The following EIF4E3 variants were observed in gnomAD, a reference collection of about 807,000 sequenced individuals.
The protein encoded by EIF4E3 is eukaryotic translation initiation factor 4E family member 3.
EIF4E3 carries 26 observed loss-of-function variants against 31.7 expected under a neutral mutation model. That is an observed-to-expected ratio of 0.82 (90% CI 0.60 to 1.14). EIF4E3 has a LOEUF of 1.14. Among genes scored for constraint, EIF4E3 ranks in the 50% most tolerant of loss-of-function variants. The pLI is 0.00. For missense variants in EIF4E3, 304 were observed against 270.9 expected (o/e 1.12, Z -0.86); for synonymous variants, 128 against 107.7 (o/e 1.19, Z -1.17).
At chr3:71,709,237 T>C (rs957520621) in intron 2 of EIF4E3, among the ~76,000 whole-genome samples, 1 of 152,122 alleles carries the variant, frequency 6.6e-6, no homozygotes, top group Non-Finnish European at 1.5e-5. Context: ...TTCTAGAAAA[T>C]TTATGGACAT....
intron 1 of EIF4E3, among the ~76,000 whole-genome samples, chr3:71,717,224 C>T (rs550723497): frequency 6.6e-6 from 1 of 152,172 alleles, no homozygotes; most frequent in African/African-American, 2.4e-5. Context: ...CCTCATGAGA[C>T]CTGCTAAATC....
intron 6 of EIF4E3, 69 bp downstream of exon 6, chr3:71,689,939 CAA>C: frequency 7.4e-7 from 1 of 1,350,474 alleles, no homozygotes; most frequent in Non-Finnish European, 9.7e-7. Context: ...ACCACATTTG[CAA>C]AACAGTTTCT....
intron 1 of EIF4E3, among the ~76,000 whole-genome samples, chr3:71,712,644 G>GGGGGGGGGGGGGGGGGGGGGGGGGGGGC (rs35405190): frequency 8.1e-6 from 1 of 123,988 alleles, no homozygotes; most frequent in Non-Finnish European, 1.6e-5. Context: ...GTGGGCGGGG[G>GGGGGGGGGGGGGGGGGGGGGGGGGGGGC]AGATTCTAGG....
intron 5 of EIF4E3, among the ~76,000 whole-genome samples, chr3:71,690,965 G>C (rs2049055851): frequency 6.6e-6 from 1 of 152,168 alleles, no homozygotes; most frequent in Non-Finnish European, 1.5e-5. Context: ...TTCCAGATTA[G>C]GGCTGTCTTG....
chr3:71,722,385 T>A (rs1373310011), intron 1 of EIF4E3, among the ~76,000 whole-genome samples: 1 of 152,088 alleles, frequency 6.6e-6, no homozygotes, highest in Non-Finnish European at 1.5e-5. Flanking sequence ...ATCCCTGGTG[T>A]AAATGGCACA....
chr3:71,684,621 C>T lies in EIF4E3; in HGVS notation c.*61G>A, dbSNP rs1247998301. 11 of 1,601,492 alleles carry T rather than the reference C, an allele frequency of 6.9e-6. No individual in the cohort carries two copies. The highest frequency in any genetic ancestry group is 9.4e-6 in the Non-Finnish European group (11 of 1,169,782). On this transcript the variant is annotated 3_prime_UTR_variant, in exon 7 of 7. Transcript: ENST00000425534. Reference sequence around the variant, plus strand: ...GGCAAGTCTTCTCTTCACTCTCCCTCCTGTTAAGACCGTTTCCAAAACCAA... The same window carrying T: ...GGCAAGTCTTCTCTTCACTCTCCCTTCTGTTAAGACCGTTTCCAAAACCAA...
chr3:71,691,534 A>C (rs1441160683), intron 5 of EIF4E3, among the ~76,000 whole-genome samples: 1 of 152,194 alleles, frequency 6.6e-6, no homozygotes, highest in Non-Finnish European at 1.5e-5. Context: ...ATAATGTTAG[A>C]AGTTAGACTG....
chr3:71,727,756 T>G (rs557848607), upstream of EIF4E3, among the ~76,000 whole-genome samples: 2 of 152,260 alleles, frequency 1.3e-5, no homozygotes, highest in African/African-American at 4.8e-5. Flanking sequence ...TTCCAAGGCA[T>G]GGGTAGAAAG....
At chr3:71,660,434 G>C in the EIF4E3 span, among the ~76,000 whole-genome samples, 2 of 152,216 alleles carry the variant, frequency 1.3e-5, no homozygotes, top group Non-Finnish European at 2.9e-5. Flanking sequence ...AGGAAAGCCA[G>C]TCTTGAAGAT....
intron 1 of EIF4E3, among the ~76,000 whole-genome samples, chr3:71,714,334 AAG>A (rs1180037536): frequency 2.6e-5 from 4 of 152,122 alleles, no homozygotes; most frequent in East Asian, 1.9e-4. Flanking sequence ...GAAAGAAAGA[AAG>A]AGAAAAAGGA....
chr3:71,693,887 A>G lies in EIF4E3; in HGVS notation c.460T>C (p.Cys154Arg), dbSNP rs1278156384. ...TGGGCTGCTTTACCTGCTGCGGCAC[A>G]GTCTGTGAACTGTTCCCCGATGGTT... is the stretch of plus-strand genomic sequence containing the variant. ...LATIGEQFTDCAAADDEVIGV... is the reference protein window; with the variant it reads ...LATIGEQFTDRAAADDEVIGV... Residue 154 changes from cysteine (C) to arginine (R), a missense_variant, in exon 5 of 7, where the codon TGT (cysteine) becomes CGT (arginine). By Grantham distance (180) the Cys-to-Arg change is radical (BLOSUM62 -3). Coordinates refer to ENST00000425534, the MANE Select transcript of EIF4E3 (RefSeq NM_001134651.2). The G allele has an allele frequency of 1.3e-6, 2 of 1,575,584 alleles. No homozygotes were observed. Among genetic ancestry groups the G allele is most frequent in the Non-Finnish European group, 8.6e-7 (1 of 1,160,900 alleles).
intron 2 of EIF4E3, among the ~76,000 whole-genome samples, chr3:71,706,910 T>C (rs1012018276): frequency 6.6e-6 from 1 of 152,176 alleles, no homozygotes; most frequent in Admixed American, 6.5e-5. Context: ...TACAAGATAG[T>C]ATCCTGGCCA....
chr3:71,659,537 T>C, the EIF4E3 span, among the ~76,000 whole-genome samples: 1 of 152,144 alleles, frequency 6.6e-6, no homozygotes, highest in South Asian at 2.1e-4. Context: ...GGGCCATGAG[T>C]TGAGCCTCTG....
chr3:71,708,714 G>A (rs2049330980), intron 2 of EIF4E3, among the ~76,000 whole-genome samples: 1 of 152,104 alleles, frequency 6.6e-6, no homozygotes, highest in South Asian at 2.1e-4. Flanking sequence ...GCCTTTACAT[G>A]AGGACAGGCC....
At chr3:71,718,512 T>C (rs1417085088) in intron 1 of EIF4E3, among the ~76,000 whole-genome samples, 1 of 152,216 alleles carries the variant, frequency 6.6e-6, no homozygotes, top group Non-Finnish European at 1.5e-5. Context: ...ATCCCTTCAG[T>C]ACATGGAGGA....
intron 2 of EIF4E3, among the ~76,000 whole-genome samples, chr3:71,707,550 G>T (rs2108069374): frequency 6.6e-6 from 1 of 152,268 alleles, no homozygotes; most frequent in African/African-American, 2.4e-5. Context: ...AGCAGAGACA[G>T]CTGAGACAGA....
chr3:71,704,905 T>C (rs545045248), intron 2 of EIF4E3, among the ~76,000 whole-genome samples: 184 of 152,358 alleles, frequency 1.2e-3, no homozygotes, highest in African/African-American at 4.3e-3. Flanking sequence ...GCAATTTAAC[T>C]TCAGTTATAT....
chr3:71,690,143 A>C lies in EIF4E3; in HGVS notation c.495T>G (p.Ser165Arg), dbSNP rs1382990894. 1 of 1,612,566 alleles carries C rather than the reference A, an allele frequency of 6.2e-7. No individual in the cohort carries two copies. The highest frequency in any genetic ancestry group is 8.5e-7 in the Non-Finnish European group (1 of 1,179,412). ...CGTCTTCTCGGTCCCGAACACTGACACTAACTCCTATTACTTCATCATCTG... is the reference window on the plus strand; with the variant it reads ...CGTCTTCTCGGTCCCGAACACTGACCCTAACTCCTATTACTTCATCATCTG... Reference protein sequence around the residue: ...AAADDEVIGVSVSVRDREDVV... With the variant: ...AAADDEVIGVRVSVRDREDVV... Residue 165 changes from serine to arginine, a missense_variant, in exon 6 of 7, where the codon AGT becomes AGG. Transcript: ENST00000425534.
chr3:71,707,399 A>C (rs2049308567), intron 2 of EIF4E3, among the ~76,000 whole-genome samples: 2 of 152,214 alleles, frequency 1.3e-5, no homozygotes, highest in Admixed American at 1.3e-4. Context: ...GAATCCAGTA[A>C]CACTTAAGTA....
Sources: gnomAD v4.1 joint callset for allele counts (sites outside exome capture counted in the v4.1 genomes callset) on GRCh38, gnomAD v4.1.1 for gene constraint, MANE v1.5 for transcripts, NCBI Gene and HGNC (gene_info 2026-07-23, HGNC 2026-07-21) for gene names.